STXBP4: variants seen among roughly 807,000 people sequenced by gnomAD.
The protein encoded by STXBP4 is syntaxin binding protein 4.
STXBP4 carries 55 observed loss-of-function variants against 76.1 expected under a neutral mutation model. The ratio of observed to expected loss-of-function variants is 0.72; its 90% CI spans 0.58 to 0.91. STXBP4 has a LOEUF of 0.91. STXBP4 is among the 40% of genes least tolerant of loss of function. STXBP4 has a pLI of 0.00. For missense variants in STXBP4, 618 were observed against 636.9 expected, an observed-to-expected ratio of 0.97 and a Z score of 0.32; for synonymous variants, 201 against 220.2, an observed-to-expected ratio of 0.91 and a Z score of 0.77.
At chr17:55,211,268 C>G in the STXBP4 span, among the ~76,000 whole-genome samples, 3 of 152,058 alleles carry the variant, frequency 2.0e-5, no homozygotes, top group African/African-American at 7.2e-5. Context: ...TAGATGGAGT[C>G]TCGCTCTGTC....
chr17:55,133,816 C>T (rs2529506), intron 16 of STXBP4, among the ~76,000 whole-genome samples: 97,093 of 152,094 alleles, frequency 0.64, 31,861 homozygotes, highest in African/African-American at 0.79. Flanking sequence ...GCTGTTTTAG[C>T]GGCATAGGGC....
chr17:55,062,998 G>T (rs1378564981), intron 12 of STXBP4, among the ~76,000 whole-genome samples: 1 of 152,184 alleles, frequency 6.6e-6, no homozygotes, highest in Non-Finnish European at 1.5e-5. Flanking sequence ...AACTTAGTTG[G>T]ATTTTTTTTA....
intron 16 of STXBP4, among the ~76,000 whole-genome samples, chr17:55,137,243 G>GT (rs34242359): frequency 0.054 from 8,117 of 151,290 alleles, 384 homozygotes; most frequent in East Asian, 0.19. Context: ...TTAATTGTGA[G>GT]TTAGAGATAT....
rs912246087 is a variant in STXBP4 at position 55,000,324 on chromosome 17, A to C, written c.498+482A>C. 22 of 915,328 alleles carry C rather than the reference A, an allele frequency of 2.4e-5. No individual in the cohort carries two copies. The African/African-American group carries it at 3.9e-4, about 16-fold the overall frequency. 56.7% of individuals were successfully genotyped at this position (915,328 alleles called of 1,614,324 possible). A position where few individuals can be genotyped will look rare whatever the true frequency, so the allele number is the denominator to read the frequency against. On this transcript the variant is annotated intron_variant, in intron 6 of 17. Coordinates refer to ENST00000376352, the MANE Select transcript of STXBP4 (RefSeq NM_178509.6). Reference sequence around the variant, plus strand: ...CCAAGTAGAATCACACAAAATGGGGAATTTCTATATCAGAATTAACATACT... The same window carrying C: ...CCAAGTAGAATCACACAAAATGGGGCATTTCTATATCAGAATTAACATACT...
Position 55,159,784 on chromosome 17 carries a change from T to A in STXBP4, c.1548-13T>A, listed in dbSNP as rs374841427. The A allele has an allele frequency of 3.2e-6, 5 of 1,549,494 alleles. No individual in the cohort carries two copies. The highest frequency in any genetic ancestry group is 3.6e-6 in the Non-Finnish European group (4 of 1,122,234). The stretch of plus-strand genomic sequence containing the variant: ...GTCTTTCAGATTCTAATTGCATTCT[T>A]GTTCTTCTCAAGTCATGTAACACAG... On this transcript the variant is annotated splice_polypyrimidine_tract_variant and intron_variant, in intron 17 of 17. Transcript: ENST00000376352.
At chr17:55,052,916 C>CATGT in intron 12 of STXBP4, among the ~76,000 whole-genome samples, 1 of 95,702 alleles carries the variant, frequency 1.0e-5, no homozygotes, top group African/African-American at 4.1e-5. Context: ...ACGTGTATGA[C>CATGT]GTGTGTGTGT....
In STXBP4 at chr17:55,045,262, CA is replaced by C. The variant is rs1347307849; in HGVS notation, c.946-1826del. Among the ~76,000 whole-genome samples the C allele has an allele frequency of 5.9e-5, 9 of 152,092 alleles. 1 individual carries two copies. In the East Asian group the frequency reaches 1.7e-3, roughly 29 times the overall value. ...CTTACCTTTGAAACCGCTATCTTTC[CA>C]CATTTTTTAGTGCAACAATTGTTTT... On this transcript the variant is annotated intron_variant, in intron 11 of 17. Coordinates refer to ENST00000376352, the MANE Select transcript of STXBP4 (RefSeq NM_178509.6).
chr17:55,067,390 C>T lies in STXBP4; in HGVS notation c.1012-5510C>T, dbSNP rs1467382257. ...GAAATCTGAGATAGATTTTGAAGGACAAGTAACAACTAAATGATGGAAAAA... is the reference window on the plus strand; with the variant it reads ...GAAATCTGAGATAGATTTTGAAGGATAAGTAACAACTAAATGATGGAAAAA... On this transcript the variant is annotated intron_variant, in intron 12 of 17. Transcript: ENST00000376352. 5.9e-5 allele frequency among the ~76,000 whole-genome samples: 9 copies of T among 152,008 alleles called. No homozygotes were observed. The East Asian group carries it at 1.7e-3, about 29-fold the overall frequency.
intron 17 of STXBP4, among the ~76,000 whole-genome samples, chr17:55,150,978 T>G (rs1004903308): frequency 2.2e-4 from 33 of 151,628 alleles, no homozygotes; most frequent in African/African-American, 7.8e-4. Context: ...AAAAAGAGAG[T>G]CAGAAAGAGA....
intron 12 of STXBP4, among the ~76,000 whole-genome samples, chr17:55,053,661 T>C (rs1379786946): frequency 2.6e-5 from 4 of 152,158 alleles, no homozygotes; most frequent in African/African-American, 9.6e-5. Flanking sequence ...TTCGGGCCAA[T>C]TTTCGGACCC....
intron 1 of STXBP4, among the ~76,000 whole-genome samples, chr17:54,969,515 G>A (rs1318389770): frequency 6.6e-6 from 1 of 152,190 alleles, no homozygotes; most frequent in East Asian, 1.9e-4. Flanking sequence ...TCAGTTACTT[G>A]TCCTCTAAGA....
rs578174256 is a variant in STXBP4 at position 55,018,043 on chromosome 17, C to T, written c.666+10446C>T. ...CAGGGCTCCCAGGATGGTGGTGGGC[C>T]GCTTCCAAGATGGTGGCAAGCCTCG... On this transcript the variant is annotated intron_variant, in intron 8 of 17. Transcript: ENST00000376352. 7.9e-5 allele frequency among the ~76,000 whole-genome samples: 12 copies of T among 152,116 alleles called. No homozygotes were observed. The South Asian group carries it at 8.3e-4, about 11-fold the overall frequency.
chr17:55,050,199 A>T (rs886546482), intron 12 of STXBP4, among the ~76,000 whole-genome samples: 2 of 152,130 alleles, frequency 1.3e-5, no homozygotes, highest in Non-Finnish European at 2.9e-5. Context: ...AGCTAGCAAG[A>T]TATAAAATTA....
chr17:55,041,616 G>A (rs1203751928), intron 10 of STXBP4, among the ~76,000 whole-genome samples: 3 of 152,098 alleles, frequency 2.0e-5, no homozygotes, highest in African/African-American at 7.2e-5. Flanking sequence ...TTCCCAGATT[G>A]TGTTTTGTTT....
chr17:55,078,752 G>T lies in STXBP4; in HGVS notation c.1355+17G>T, dbSNP rs780085313. 1.4e-6 allele frequency: 2 copies of T among 1,382,196 alleles called. No homozygotes were observed. The highest frequency in any genetic ancestry group is 3.4e-5 in the Admixed American group (2 of 58,414). 85.6% of individuals were successfully genotyped at this position (1,382,196 alleles called of 1,614,324 possible). A position where few individuals can be genotyped will look rare whatever the true frequency, so the allele number is the denominator to read the frequency against. On this transcript the variant is annotated intron_variant, in intron 15 of 17. Transcript: ENST00000376352. ...AAATTTAAGGTAAGAAAATTTAAGT[G>T]CTTTTTGCAGAATATGGGTAGTGAT...
chr17:55,018,864 C>T (rs2078255390), intron 8 of STXBP4, among the ~76,000 whole-genome samples: 1 of 152,202 alleles, frequency 6.6e-6, no homozygotes, highest in South Asian at 2.1e-4. Flanking sequence ...AAGCTATTTT[C>T]ACTTTTGTGG....
intron 12 of STXBP4, among the ~76,000 whole-genome samples, chr17:55,049,818 G>A (rs1957493296): frequency 6.6e-6 from 1 of 151,844 alleles, no homozygotes; most frequent in South Asian, 2.1e-4. Flanking sequence ...AGTAAAGATA[G>A]AAAGCCTAAA....
chr17:55,126,291 A>C (rs1363900060), intron 16 of STXBP4, among the ~76,000 whole-genome samples: 1 of 152,236 alleles, frequency 6.6e-6, no homozygotes, highest in Non-Finnish European at 1.5e-5. Context: ...TGTTAAAATA[A>C]GGACTTTAAA....
intron 16 of STXBP4, among the ~76,000 whole-genome samples, chr17:55,114,976 T>C (rs750732518): frequency 1.1e-4 from 17 of 151,984 alleles, no homozygotes; most frequent in Non-Finnish European, 2.2e-4. Context: ...GTGAGCAAGT[T>C]TTTTGTTAAC....
Sources: allele counts gnomAD v4.1 joint callset (sites outside exome capture counted in the v4.1 genomes callset), GRCh38; gene constraint gnomAD v4.1.1; transcripts MANE v1.5; gene names NCBI Gene and HGNC (gene_info 2026-07-23, HGNC 2026-07-21).